WDR72: variants seen among roughly 807,000 people sequenced by gnomAD.
WDR72 encodes the protein WD repeat domain 72, also known as WD repeat-containing protein 72.
In WDR72, 120 loss-of-function variants were observed where a neutral mutation model predicts 124.2. That is an observed-to-expected ratio of 0.97 (90% CI 0.83 to 1.12). The LOEUF is 1.12. Ranked by LOEUF, WDR72 falls within the 50% of genes most tolerant of loss-of-function variation. The pLI, the probability that WDR72 is intolerant of heterozygous loss-of-function variation, is 0.00. For missense variants in WDR72, 1,387 were observed against 1,278.8 expected (o/e 1.08, Z -1.29); for synonymous variants, 452 against 441.7 (o/e 1.02, Z -0.29).
rs978035185 is a variant in WDR72 at position 53,517,678 on chromosome 15, C to G, written c.*21G>C. Reference sequence around the variant, plus strand: ...GATTTCTTAATTTGTCCAAATTCAGCTCCTACTGATGAGATTCCATTTAAG... The same window carrying G: ...GATTTCTTAATTTGTCCAAATTCAGGTCCTACTGATGAGATTCCATTTAAG... On this transcript the variant is annotated 3_prime_UTR_variant, in exon 20 of 20. Transcript: ENST00000360509. 2 of 1,612,022 alleles carry G rather than the reference C, an allele frequency of 1.2e-6. No individual in the cohort carries two copies. The highest frequency in any genetic ancestry group is 1.7e-6 in the Non-Finnish European group (2 of 1,178,432).
chr15:53,574,707 T>G (rs1331588174), intron 18 of WDR72, among the ~76,000 whole-genome samples: 1 of 152,174 alleles, frequency 6.6e-6, no homozygotes, highest in East Asian at 1.9e-4. Flanking sequence ...GCAAAGGAAA[T>G]ACTTCAGTTT....
intron 1 of WDR72, among the ~76,000 whole-genome samples, chr15:53,758,001 C>G (rs200734993): frequency 1.6e-5 from 2 of 126,084 alleles, no homozygotes; most frequent in African/African-American, 5.4e-5. Flanking sequence ...CTCTCTCTCT[C>G]TCTCTCTTTT....
chr15:53,740,861 T>C (rs929826677), intron 1 of WDR72, among the ~76,000 whole-genome samples: 10 of 152,152 alleles, frequency 6.6e-5, no homozygotes, highest in Admixed American at 1.3e-4. Context: ...CTATAATATG[T>C]GAACAATAAA....
intron 13 of WDR72, among the ~76,000 whole-genome samples, chr15:53,674,162 T>C (rs576906): frequency 0.095 from 14,514 of 152,210 alleles, 1,852 homozygotes; most frequent in African/African-American, 0.29. Flanking sequence ...CTGAATCCAT[T>C]ATGATATTGG....
At chr15:53,605,838 G>GA (rs142793693) in intron 17 of WDR72, among the ~76,000 whole-genome samples, 8 of 148,716 alleles carry the variant, frequency 5.4e-5, no homozygotes, top group South Asian at 2.1e-4. Flanking sequence ...CTGGGTGACA[G>GA]AAAAAAAAAA....
intron 11 of WDR72, 68 bp from the exon 12 acceptor site, chr15:53,702,422 C>G: frequency 7.5e-7 from 1 of 1,338,040 alleles, no homozygotes; most frequent in Non-Finnish European, 1.1e-6. Context: ...CCAAGATTCT[C>G]TTCTATAAAA....
chr15:53,725,209 C>T (rs1366458279), intron 2 of WDR72, among the ~76,000 whole-genome samples: 1 of 151,940 alleles, frequency 6.6e-6, no homozygotes, highest in African/African-American at 2.4e-5. Flanking sequence ...AAAAGGTGCT[C>T]CATATCGTAT....
At chr15:53,630,209 A>G (rs1003191582) in intron 14 of WDR72, among the ~76,000 whole-genome samples, 5 of 152,246 alleles carry the variant, frequency 3.3e-5, no homozygotes, top group African/African-American at 1.2e-4. Flanking sequence ...AAATTGAATT[A>G]GTAGTTAAAC....
intron 1 of WDR72, 99 bp from the exon 2 acceptor site, chr15:53,733,260 T>C: frequency 7.8e-7 from 1 of 1,285,328 alleles, no homozygotes; most frequent in South Asian, 1.2e-5. Flanking sequence ...CAAACTTCAA[T>C]GATGTGTTCT....
Position 53,609,462 on chromosome 15 carries a change from C to G in WDR72, c.2952+51G>C, listed in dbSNP as rs774536432. On this transcript the variant is annotated intron_variant, in intron 17 of 19. Transcript: ENST00000360509. ...GATAGAGGGGGGTATCCATGAACCA[C>G]AGCAGCAAGGAACTCTTCTAATAAC... The G allele has an allele frequency of 5.3e-6, 8 of 1,513,018 alleles. No homozygotes were observed. In the East Asian group the frequency reaches 1.8e-4, roughly 34 times the overall value. The allele number at this position is 1,513,018 out of a possible 1,614,324, so 93.7% of individuals were successfully genotyped here.
At chr15:53,658,756 A>G (rs1387225987) in intron 14 of WDR72, among the ~76,000 whole-genome samples, 1 of 152,216 alleles carries the variant, frequency 6.6e-6, no homozygotes, top group Non-Finnish European at 1.5e-5. Context: ...TTTGGAAATA[A>G]TATCTGAAAA....
At chr15:53,536,510 G>A (rs1308306839) in intron 18 of WDR72, among the ~76,000 whole-genome samples, 3 of 152,058 alleles carry the variant, frequency 2.0e-5, no homozygotes, top group Non-Finnish European at 4.4e-5. Context: ...GAAAGGAAGG[G>A]TGCCTTTCTG....
intron 18 of WDR72, among the ~76,000 whole-genome samples, chr15:53,546,150 C>A (rs1893445229): frequency 6.9e-6 from 1 of 143,972 alleles, no homozygotes; most frequent in Non-Finnish European, 1.5e-5. Context: ...TTGACCCAGC[C>A]ATCCCATTAC....
intron 18 of WDR72, among the ~76,000 whole-genome samples, chr15:53,595,245 C>T (rs1450441706): frequency 1.3e-5 from 2 of 151,924 alleles, no homozygotes; most frequent in Non-Finnish European, 2.9e-5. Flanking sequence ...CACTTTAATC[C>T]AAATGTCTTT....
intron 14 of WDR72, among the ~76,000 whole-genome samples, chr15:53,645,883 A>C (rs2015024293): frequency 6.6e-6 from 1 of 152,180 alleles, no homozygotes; most frequent in Admixed American, 6.6e-5. Context: ...AGTCTCCTTT[A>C]AATAAAGTGA....
At chr15:53,548,430 C>G (rs1051355804) in intron 18 of WDR72, among the ~76,000 whole-genome samples, 1 of 152,096 alleles carries the variant, frequency 6.6e-6, no homozygotes, top group South Asian at 2.1e-4. Flanking sequence ...GTTGTGCATC[C>G]GGATCATGTA....
At chr15:53,574,005 T>C (rs1894663525) in intron 18 of WDR72, among the ~76,000 whole-genome samples, 1 of 152,250 alleles carries the variant, frequency 6.6e-6, no homozygotes, top group African/African-American at 2.4e-5. Flanking sequence ...GAGTATGTTA[T>C]AGAAATACAC....
At chr15:53,726,264 G>GTGTGTATATATATATATATATATA (rs1555428779) in intron 2 of WDR72, among the ~76,000 whole-genome samples, 12 of 110,356 alleles carry the variant, frequency 1.1e-4, no homozygotes, top group African/African-American at 5.0e-4. Flanking sequence ...ATGTATGTGT[G>GTGTGTATATATATATATATATATA]TATATATATA....
At chr15:53,548,842 A>G (rs1296583585) in intron 18 of WDR72, among the ~76,000 whole-genome samples, 1 of 152,180 alleles carries the variant, frequency 6.6e-6, no homozygotes, top group African/African-American at 2.4e-5. Context: ...ATTCAGAGTC[A>G]ACAGAGAGAG....
Sources: gnomAD v4.1 joint callset for allele counts (sites outside exome capture counted in the v4.1 genomes callset) on GRCh38, gnomAD v4.1.1 for gene constraint, MANE v1.5 for transcripts, NCBI Gene and HGNC (gene_info 2026-07-23, HGNC 2026-07-21) for gene names.